The following MACROD2 variants were observed in gnomAD, a reference collection of about 807,000 sequenced individuals.
MACROD2 encodes ADP-ribose glycohydrolase MACROD2.
Under a neutral mutation model 70.4 loss-of-function variants are expected in MACROD2, and 36 were observed. That is an observed-to-expected ratio of 0.51 (90% CI 0.39 to 0.68). The LOEUF (loss-of-function observed/expected upper bound fraction) is 0.68, where lower values mean the gene tolerates loss of function less well. Ranked by LOEUF, MACROD2 falls within the 30% of genes least tolerant of loss-of-function variation. MACROD2 has a pLI of 0.00. For missense variants in MACROD2, 496 were observed against 538.4 expected (o/e 0.92, Z 0.78); for synonymous variants, 172 against 178.8 (o/e 0.96, Z 0.30).
chr20:15,627,474 G>C lies in MACROD2; in HGVS notation c.645+127627G>C, dbSNP rs113110086. Among the ~76,000 whole-genome samples the C allele has an allele frequency of 1.1e-3, 162 of 152,240 alleles. 1 individual carries two copies. Among genetic ancestry groups the C allele is most frequent in the African/African-American group, 3.8e-3 (159 of 41,534 alleles). ...CTCATATCAATCTCCTGGAAGACTT[G>C]TAGGTTAGGGGTTTTTCAAAGGCAG... is the stretch of plus-strand genomic sequence containing the variant. On this transcript the variant is annotated intron_variant, in intron 8 of 17. Coordinates refer to ENST00000684519, the MANE Select transcript of MACROD2 (RefSeq NM_001351661.2).
At chr20:16,026,336 G>A (rs1377966798) in intron 15 of MACROD2, among the ~76,000 whole-genome samples, 2 of 152,166 alleles carry the variant, frequency 1.3e-5, no homozygotes. Context: ...CACAGATGGT[G>A]CAGATCATAG....
chr20:14,056,826 T>A (rs999719404), intron 2 of MACROD2, among the ~76,000 whole-genome samples: 4 of 125,628 alleles, frequency 3.2e-5, no homozygotes, highest in Non-Finnish European at 5.4e-5. Context: ...TTTATTCAGA[T>A]CTCTTTTTTT....
At chr20:14,703,225 T>C (rs1277971416) in intron 5 of MACROD2, among the ~76,000 whole-genome samples, 1 of 152,150 alleles carries the variant, frequency 6.6e-6, no homozygotes, top group Non-Finnish European at 1.5e-5. Flanking sequence ...ATGTCTCACA[T>C]ACTTTGCCTC....
chr20:16,024,530 G>GACACACAC (rs141641248), intron 15 of MACROD2, among the ~76,000 whole-genome samples: 3 of 150,400 alleles, frequency 2.0e-5, no homozygotes, highest in East Asian at 3.9e-4. Flanking sequence ...CACACACACA[G>GACACACAC]ACACACACAC....
At chr20:14,962,733 C>T (rs916861433) in intron 5 of MACROD2, among the ~76,000 whole-genome samples, 13 of 150,882 alleles carry the variant, frequency 8.6e-5, no homozygotes, top group Non-Finnish European at 1.8e-4. Context: ...TTTATTCTAA[C>T]CTTTCTTTCT....
Position 14,935,892 on chromosome 20 carries a change from C to T in MACROD2, c.418+250933C>T, listed in dbSNP as rs561800903. Among the ~76,000 whole-genome samples the T allele has an allele frequency of 2.6e-5, 4 of 152,240 alleles. No homozygotes were observed. In the South Asian group the frequency reaches 8.3e-4, roughly 32 times the overall value. ...GTTGTGCTAAGAATATTATAATAGA[C>T]TCTGAAAATATTTTACTGGATTTGA... On this transcript the variant is annotated intron_variant, in intron 5 of 17. Transcript: ENST00000684519.
intron 3 of MACROD2, among the ~76,000 whole-genome samples, chr20:14,489,966 C>G (rs1169664736): frequency 6.6e-6 from 1 of 151,704 alleles, no homozygotes; most frequent in African/African-American, 2.4e-5. Flanking sequence ...GTTCAAGTGA[C>G]TCTCCTGCCT....
intron 5 of MACROD2, among the ~76,000 whole-genome samples, chr20:15,212,848 C>G (rs894791644): frequency 1.3e-5 from 2 of 152,158 alleles, no homozygotes; most frequent in African/African-American, 4.8e-5. Flanking sequence ...CATCTGGGAA[C>G]TTGTTAAAAA....
intron 8 of MACROD2, among the ~76,000 whole-genome samples, chr20:15,504,166 T>TA: frequency 6.6e-6 from 1 of 152,272 alleles, no homozygotes. Flanking sequence ...GAGGTCTGAC[T>TA]AGAGTCCCAG....
At chr20:15,682,585 A>G (rs2050174467) in intron 8 of MACROD2, among the ~76,000 whole-genome samples, 1 of 152,228 alleles carries the variant, frequency 6.6e-6, no homozygotes, top group Admixed American at 6.5e-5. Flanking sequence ...CAAGTTTAGT[A>G]TTTCAAACCA....
chr20:15,601,661 T>C (rs2146689259), intron 8 of MACROD2, among the ~76,000 whole-genome samples: 1 of 152,258 alleles, frequency 6.6e-6, no homozygotes, highest in South Asian at 2.1e-4. Context: ...GCAACAAATA[T>C]TCTGACCCTC....
chr20:14,355,089 A>T (rs1460337791), intron 3 of MACROD2, among the ~76,000 whole-genome samples: 1 of 152,182 alleles, frequency 6.6e-6, no homozygotes, highest in Non-Finnish European at 1.5e-5. Context: ...GTGTTGCAGA[A>T]TAGAAACTGG....
At chr20:15,311,479 C>T (rs2077751866) in intron 6 of MACROD2, among the ~76,000 whole-genome samples, 1 of 152,150 alleles carries the variant, frequency 6.6e-6, no homozygotes, top group Non-Finnish European at 1.5e-5. Flanking sequence ...ATGACACATG[C>T]ACTCGCATGT....
intron 6 of MACROD2, among the ~76,000 whole-genome samples, chr20:15,362,943 AAGGGG>A (rs1031200996): frequency 2.0e-4 from 30 of 150,150 alleles, no homozygotes; most frequent in Non-Finnish European, 3.9e-4. Flanking sequence ...GAAGAGGGGA[AAGGGG>A]AGGGGAGGGG....
intron 5 of MACROD2, among the ~76,000 whole-genome samples, chr20:15,158,640 A>G (rs1275950424): frequency 6.6e-6 from 1 of 152,128 alleles, no homozygotes; most frequent in Non-Finnish European, 1.5e-5. Context: ...ATTTCAATAG[A>G]TGTCCTTGGC....
intron 3 of MACROD2, among the ~76,000 whole-genome samples, chr20:14,391,715 A>G (rs968709719): frequency 6.6e-6 from 1 of 150,674 alleles, no homozygotes; most frequent in Non-Finnish European, 1.5e-5. Context: ...AAATTAACCC[A>G]GAACAGAAAA....
chr20:14,757,717 G>A, intron 5 of MACROD2: 1 of 1,514,224 alleles, frequency 6.6e-7, no homozygotes, highest in South Asian at 1.1e-5. Flanking sequence ...AGTCTCTCAA[G>A]TCCCGAGGCT....
chr20:14,885,183 G>T (rs1274645600), intron 5 of MACROD2, among the ~76,000 whole-genome samples: 1 of 152,058 alleles, frequency 6.6e-6, no homozygotes, highest in South Asian at 2.1e-4. Context: ...ATTAATATCT[G>T]TCTGATACTA....
chr20:14,894,491 G>A (rs2073803814), intron 5 of MACROD2: 1 of 152,104 alleles, frequency 6.6e-6, no homozygotes, highest in Admixed American at 6.6e-5. Flanking sequence ...CCAAAGTGCT[G>A]GGATTACAGG....
Sources: gnomAD v4.1 joint callset for allele counts (sites outside exome capture counted in the v4.1 genomes callset) on GRCh38, gnomAD v4.1.1 for gene constraint, MANE v1.5 for transcripts, NCBI Gene and HGNC (gene_info 2026-07-23, HGNC 2026-07-21) for gene names.